The following EFTUD2 variants were observed in gnomAD, a reference collection of about 807,000 sequenced individuals.
EFTUD2 encodes the protein elongation factor Tu GTP binding domain containing 2.
In EFTUD2, 9 loss-of-function variants were observed where a neutral mutation model predicts 114.3. That is an observed-to-expected ratio of 0.08 (90% CI 0.05 to 0.14). The LOEUF (loss-of-function observed/expected upper bound fraction) is 0.14, where lower values mean the gene tolerates loss of function less well. Among genes scored for constraint, EFTUD2 ranks in the 10% least tolerant of loss-of-function variants. The probability of loss-of-function intolerance (pLI) is 1.00; values close to 1 mark genes in which losing one functional copy is unlikely to be tolerated. For missense variants in EFTUD2, 765 were observed against 1,241.2 expected (o/e 0.62, Z 5.76); for synonymous variants, 449 against 462.3 (o/e 0.97, Z 0.37).
chr17:44,877,331 A>G (rs967330973), intron 9 of EFTUD2, among the ~76,000 whole-genome samples: 3 of 152,212 alleles, frequency 2.0e-5, no homozygotes, highest in Admixed American at 1.3e-4. Flanking sequence ...GAGGCGTGAA[A>G]AAGATGATGG....
At chr17:44,859,204 A>T in intron 18 of EFTUD2, 23 bp from the exon 19 acceptor site, 1 of 1,548,070 alleles carries the variant, frequency 6.5e-7, no homozygotes, top group Non-Finnish European at 8.9e-7. Context: ...AGGCAGTCAC[A>T]GCCTGGATTC....
At chr17:44,853,679 C>T (rs760186585) in intron 23 of EFTUD2, 44 bp from the exon 24 acceptor site, 36 of 1,608,568 alleles carry the variant, frequency 2.2e-5, no homozygotes, top group Non-Finnish European at 3.0e-5. Context: ...GGTTCTGGGC[C>T]TGTCATGGGG....
intron 4 of EFTUD2, among the ~76,000 whole-genome samples, chr17:44,884,704 GCAA>G (rs1196375989): frequency 6.6e-6 from 1 of 151,872 alleles, no homozygotes; most frequent in Admixed American, 6.6e-5. Flanking sequence ...ACCAGCTTGG[GCAA>G]CATAGTGAAA....
chr17:44,877,761 G>A (rs973827831), intron 9 of EFTUD2, among the ~76,000 whole-genome samples: 1 of 151,944 alleles, frequency 6.6e-6, no homozygotes, highest in Non-Finnish European at 1.5e-5. Context: ...AGCCAAGATT[G>A]CGCCACTGCA....
Position 44,854,502 on chromosome 17 carries a change from C to T in EFTUD2, c.2259+54G>A. The T allele has an allele frequency of 6.3e-7, 1 of 1,590,714 alleles. No homozygotes were observed. Among genetic ancestry groups the T allele is most frequent in the Non-Finnish European group, 8.6e-7 (1 of 1,166,704 alleles). Reference sequence around the variant, plus strand: ...TTGGGAAAAGAACACTTTGTAGTTTCTTCCACTCCAGAGGTAAGAGACCGC... The same window carrying T: ...TTGGGAAAAGAACACTTTGTAGTTTTTTCCACTCCAGAGGTAAGAGACCGC... On this transcript the variant is annotated intron_variant, in intron 22 of 27. Transcript: ENST00000426333. This position sits in a 1 kb window ranked among gnomAD's most constrained non-coding sequence, Gnocchi z 4.3.
chr17:44,897,139 C>A (rs1382742603), intron 1 of EFTUD2, among the ~76,000 whole-genome samples: 3 of 149,668 alleles, frequency 2.0e-5, no homozygotes, highest in Non-Finnish European at 4.4e-5. Flanking sequence ...TGGTGTGAAC[C>A]CAGGAGGCGG....
At chr17:44,890,909 A>G (rs1456908459) in intron 2 of EFTUD2, among the ~76,000 whole-genome samples, 3 of 152,232 alleles carry the variant, frequency 2.0e-5, no homozygotes, top group Non-Finnish European at 4.4e-5. Flanking sequence ...ATATAACCCA[A>G]AGAAATTTTT....
At chr17:44,851,951 CTT>C (rs929420844) in intron 26 of EFTUD2, 134 bp from the exon 27 acceptor site, 8 of 819,814 alleles carry the variant, frequency 9.8e-6, no homozygotes, top group African/African-American at 5.3e-5. Flanking sequence ...GAGTTTCGCT[CTT>C]GTCTCCCAGG....
intron 23 of EFTUD2, chr17:44,853,991 C>A: frequency 7.4e-7 from 1 of 1,352,672 alleles, no homozygotes; most frequent in South Asian, 2.0e-5. Flanking sequence ...CCAATCTCAT[C>A]ATCCTCTTGA....
chr17:44,872,666 C>G, intron 10 of EFTUD2, 96 bp from the exon 11 acceptor site: 3 of 1,441,054 alleles, frequency 2.1e-6, no homozygotes, highest in Non-Finnish European at 2.8e-6. Flanking sequence ...CAGCCACTCT[C>G]CAGCCCTCGG....
chr17:44,885,119 C>A, intron 4 of EFTUD2, 137 bp downstream of exon 4: 1 of 683,742 alleles, frequency 1.5e-6, no homozygotes, highest in Non-Finnish European at 2.6e-6. Flanking sequence ...CCAGCAGCCA[C>A]ACAAGCTGAA....
chr17:44,874,719 A>AT (rs986030126), intron 10 of EFTUD2, among the ~76,000 whole-genome samples: 4 of 152,198 alleles, frequency 2.6e-5, no homozygotes, highest in African/African-American at 9.7e-5. Flanking sequence ...ACCATCACTC[A>AT]TATGTATCAA....
intron 2 of EFTUD2, among the ~76,000 whole-genome samples, chr17:44,893,956 C>A (rs548050270): frequency 6.6e-6 from 1 of 152,024 alleles, no homozygotes; most frequent in African/African-American, 2.4e-5. Flanking sequence ...GTAATCCCAG[C>A]TACTCAGGAG....
At chr17:44,898,384 A>AT (rs1439520843) in intron 1 of EFTUD2, among the ~76,000 whole-genome samples, 3 of 151,888 alleles carry the variant, frequency 2.0e-5, no homozygotes, top group African/African-American at 4.8e-5. Flanking sequence ...CGCCTGGCTA[A>AT]TTTTTTTGTA....
At chr17:44,884,645 C>T (rs2051133611) in intron 4 of EFTUD2, among the ~76,000 whole-genome samples, 1 of 152,118 alleles carries the variant, frequency 6.6e-6, no homozygotes, top group African/African-American at 2.4e-5. Context: ...GTAATCTCAG[C>T]ACTTTGGGAA....
At position 44,851,134 on chromosome 17, in the gene EFTUD2, T is replaced by C. The variant is rs2050440018; in HGVS notation, c.*140A>G. 2.9e-6 allele frequency: 2 copies of C among 697,402 alleles called. No homozygotes were observed. The highest frequency in any genetic ancestry group is 2.6e-6 in the Non-Finnish European group (1 of 389,122). The allele number at this position is 697,402 out of a possible 1,614,324, so 43.2% of individuals were successfully genotyped here. ...TCTCACTGGGGCTCTGGGTTGGAGGTTGGTGAGTTGTTCAAGATGGCAACA... is the reference window on the plus strand; with the variant it reads ...TCTCACTGGGGCTCTGGGTTGGAGGCTGGTGAGTTGTTCAAGATGGCAACA... On this transcript the variant is annotated 3_prime_UTR_variant, in exon 28 of 28. Coordinates refer to ENST00000426333, the MANE Select transcript of EFTUD2 (RefSeq NM_004247.4).
At chr17:44,863,884 G>A (rs1397776125) in intron 14 of EFTUD2, 102 bp from the exon 15 acceptor site, 1 of 1,476,644 alleles carries the variant, frequency 6.8e-7, no homozygotes, top group African/African-American at 1.4e-5. Context: ...AAAGTGCGGG[G>A]ACTGATTGTT....
rs2304986 is a variant in EFTUD2, at chr17:44,850,686, T to C, written c.*588A>G. 197,790 of 311,304 alleles carry C rather than the reference T, an allele frequency of 0.64. 64,626 individuals carry two copies. Among genetic ancestry groups the C allele is most frequent in the African/African-American group, 0.8 (38,538 of 47,894 alleles). 19.3% of individuals were successfully genotyped at this position (311,304 alleles called of 1,614,324 possible). Reference sequence around the variant, plus strand: ...CAACAACTCCCAAGCCATCTTAGGTTCCACCCAGAAGCAGCATGGAGTGGG... The same window carrying C: ...CAACAACTCCCAAGCCATCTTAGGTCCCACCCAGAAGCAGCATGGAGTGGG... On this transcript the variant is annotated 3_prime_UTR_variant, in exon 28 of 28. Transcript: ENST00000426333.
At chr17:44,860,281 G>T in intron 17 of EFTUD2, 151 bp downstream of exon 17, 1 of 747,374 alleles carries the variant, frequency 1.3e-6, no homozygotes, top group Non-Finnish European at 2.3e-6. Context: ...TCTGAACTGA[G>T]TACAGGGAGA....
Sources: allele counts gnomAD v4.1 joint callset (sites outside exome capture counted in the v4.1 genomes callset), GRCh38; gene constraint gnomAD v4.1.1; non-coding constraint Gnocchi (gnomAD v3.1); transcripts MANE v1.5; gene names NCBI Gene and HGNC (gene_info 2026-07-23, HGNC 2026-07-21).